ALK: variants seen among roughly 807,000 people sequenced by gnomAD.
ALK encodes ALK receptor tyrosine kinase, also known as ALK tyrosine kinase receptor.
ALK carries 74 observed loss-of-function variants against 163.1 expected under a neutral mutation model. That is an observed-to-expected ratio of 0.45 (90% CI 0.38 to 0.55). The LOEUF (loss-of-function observed/expected upper bound fraction) is 0.55, where lower values mean the gene tolerates loss of function less well. Among genes scored for constraint, ALK ranks in the 20% least tolerant of loss-of-function variants. The probability of loss-of-function intolerance (pLI) is 0.00; values close to 1 mark genes in which losing one functional copy is unlikely to be tolerated. For missense variants in ALK, 2,063 were observed against 2,105.3 expected (o/e 0.98, Z 0.39); for synonymous variants, 960 against 843.2 (o/e 1.14, Z -2.40).
intron 3 of ALK, among the ~76,000 whole-genome samples, chr2:29,583,042 G>GGTTTTT (rs1553335217): frequency 1.4e-5 from 2 of 143,632 alleles, no homozygotes; most frequent in Admixed American, 1.4e-4. Flanking sequence ...TTTGTTTTTT[G>GGTTTTT]TTTTTTTGTT....
intron 4 of ALK, among the ~76,000 whole-genome samples, chr2:29,514,716 T>C (rs1486299623): frequency 6.6e-6 from 1 of 152,218 alleles, no homozygotes; most frequent in African/African-American, 2.4e-5. Flanking sequence ...ACCCAGTTGG[T>C]CAAGCTAAAA....
At position 29,824,580 on chromosome 2, in the gene ALK, A is replaced by T. The variant is rs144322384; in HGVS notation, c.667+95413T>A. Among the ~76,000 whole-genome samples the T allele has an allele frequency of 1.6e-3, 239 of 152,342 alleles. 2 individuals carry two copies. Among genetic ancestry groups the T allele is most frequent in the African/African-American group, 5.5e-3 (227 of 41,572 alleles). ...TGGATGTGAGACACGGAGTCAAGGG[A>T]GATCATTTTGGAGATTTAAGATTTG... is the stretch of plus-strand genomic sequence containing the variant. On this transcript the variant is annotated intron_variant, in intron 1 of 28. Coordinates refer to ENST00000389048, the MANE Select transcript of ALK (RefSeq NM_004304.5).
intron 3 of ALK, among the ~76,000 whole-genome samples, chr2:29,625,528 A>C (rs1294564571): frequency 1.3e-5 from 2 of 152,256 alleles, no homozygotes; most frequent in Non-Finnish European, 2.9e-5. Flanking sequence ...GATAACTAGA[A>C]TATGACAGAG....
chr2:29,200,792 T>TAC (rs1336646988), intron 26 of ALK, among the ~76,000 whole-genome samples: 4 of 139,210 alleles, frequency 2.9e-5, no homozygotes, highest in Non-Finnish European at 4.6e-5. Context: ...TGTATATACA[T>TAC]GTATACATAT....
chr2:29,200,816 TAC>T (rs10569313), intron 26 of ALK, among the ~76,000 whole-genome samples: 30,816 of 125,978 alleles, frequency 0.24, 5,499 homozygotes, highest in East Asian at 0.72. Context: ...TGTGTGTATA[TAC>T]ATATATACGT....
intron 4 of ALK, among the ~76,000 whole-genome samples, chr2:29,440,319 T>TTAC (rs1553315927): frequency 5.2e-5 from 6 of 116,282 alleles, no homozygotes; most frequent in African/African-American, 2.3e-4. Flanking sequence ...GATGAATCAA[T>TTAC]TTTTTTTTTT....
intron 3 of ALK, among the ~76,000 whole-genome samples, chr2:29,616,846 G>A (rs561101554): frequency 4.6e-4 from 70 of 152,232 alleles, no homozygotes; most frequent in Admixed American, 3.9e-3. Context: ...TTCACCTTTT[G>A]CCCTAAAGAG....
At chr2:29,791,775 A>C (rs1664196744) in intron 1 of ALK, among the ~76,000 whole-genome samples, 1 of 152,088 alleles carries the variant, frequency 6.6e-6, no homozygotes, top group African/African-American at 2.4e-5. Flanking sequence ...ACTTACTTTC[A>C]ACTAGTTTAT....
At chr2:29,523,953 T>C (rs1672886949) in intron 4 of ALK, among the ~76,000 whole-genome samples, 1 of 151,042 alleles carries the variant, frequency 6.6e-6, no homozygotes, top group African/African-American at 2.4e-5. Flanking sequence ...GAATTGTCCT[T>C]TGTACTTCAT....
In ALK at chr2:29,445,960, G is replaced by A. The variant is rs559021146; in HGVS notation, c.1155-62101C>T. The stretch of plus-strand genomic sequence containing the variant: ...TAAAAATACAAAAAATTAGCCGGGC[G>A]TAGTGGCGGGCGCCTGTAGTCCCAG... On this transcript the variant is annotated intron_variant, in intron 4 of 28. Coordinates refer to ENST00000389048, the MANE Select transcript of ALK (RefSeq NM_004304.5). Among the ~76,000 whole-genome samples, 1,384 of 149,686 alleles carry A rather than the reference G, an allele frequency of 9.2e-3. 31 individuals are homozygous for A. The highest frequency in any genetic ancestry group is 0.031 in the African/African-American group (1,290 of 40,966).
At chr2:29,364,059 C>T (rs560364437) in intron 5 of ALK, among the ~76,000 whole-genome samples, 4 of 152,266 alleles carry the variant, frequency 2.6e-5, no homozygotes, top group African/African-American at 9.6e-5. Flanking sequence ...GCTATAAACA[C>T]AGATTCAAAA....
At chr2:29,585,122 T>C (rs899346521) in intron 3 of ALK, among the ~76,000 whole-genome samples, 1 of 152,202 alleles carries the variant, frequency 6.6e-6, no homozygotes, top group African/African-American at 2.4e-5. Flanking sequence ...TTCTTAATTA[T>C]TTTAAATTTA....
chr2:29,436,586 AG>A (rs1670403092), intron 4 of ALK, among the ~76,000 whole-genome samples: 2 of 152,214 alleles, frequency 1.3e-5, no homozygotes, highest in South Asian at 4.1e-4. Context: ...GGGTATCATG[AG>A]GCCTTTGAGA....
intron 4 of ALK, among the ~76,000 whole-genome samples, chr2:29,424,428 G>A (rs755545635): frequency 3.9e-5 from 6 of 152,296 alleles, no homozygotes; most frequent in Middle Eastern, 3.4e-3. Context: ...TACATTTTCT[G>A]AATATCGTGG....
chr2:29,579,257 T>C lies in ALK; in HGVS notation c.953-47141A>G, dbSNP rs533463610. On this transcript the variant is annotated intron_variant, in intron 3 of 28. Coordinates refer to ENST00000389048, the MANE Select transcript of ALK (RefSeq NM_004304.5). ...ACTTGCCTCACCTATGGATGGTTTA[T>C]GCCTAAGTTCCGTTCCAGCTTTAGC... 1.0e-3 allele frequency among the ~76,000 whole-genome samples: 153 copies of C among 152,354 alleles called. 1 individual carries two copies. The highest frequency in any genetic ancestry group is 3.4e-3 in the Middle Eastern group (1 of 294).
chr2:29,461,262 G>A (rs1300365141), intron 4 of ALK, among the ~76,000 whole-genome samples: 1 of 152,160 alleles, frequency 6.6e-6, no homozygotes, highest in Middle Eastern at 3.2e-3. Context: ...AAGTGCTGAT[G>A]GAGAAGCTGC....
chr2:29,857,953 G>T (rs534125172), intron 1 of ALK, among the ~76,000 whole-genome samples: 1 of 152,156 alleles, frequency 6.6e-6, no homozygotes, highest in East Asian at 1.9e-4. Flanking sequence ...TAACATCTTC[G>T]TAACTTTAGT....
At chr2:29,236,506 T>C (rs927902133) in intron 13 of ALK, among the ~76,000 whole-genome samples, 27 of 152,208 alleles carry the variant, frequency 1.8e-4, no homozygotes, top group Non-Finnish European at 3.7e-4. Flanking sequence ...TTGGGATATA[T>C]TGGTGAACAA....
chr2:29,468,778 T>A (rs1349842903), intron 4 of ALK, among the ~76,000 whole-genome samples: 4 of 129,972 alleles, frequency 3.1e-5, no homozygotes, highest in African/African-American at 1.2e-4. Flanking sequence ...GGCTTGAGCC[T>A]GGGAGGTTGA....
Sources: allele counts gnomAD v4.1 joint callset (sites outside exome capture counted in the v4.1 genomes callset), GRCh38; gene constraint gnomAD v4.1.1; transcripts MANE v1.5; gene names NCBI Gene and HGNC (gene_info 2026-07-23, HGNC 2026-07-21).